Variants in NLRP2 observed in about 807,000 individuals in gnomAD.
The protein encoded by NLRP2 is NLR family pyrin domain containing 2, also known as NACHT, LRR and PYD domains-containing protein 2.
In NLRP2, 107 loss-of-function variants were observed where a neutral mutation model predicts 97.2. That is an observed-to-expected ratio of 1.10 (90% CI 0.94 to 1.29). NLRP2 has a LOEUF of 1.29. Ranked by LOEUF, NLRP2 falls within the 50% of genes most tolerant of loss-of-function variation. The pLI is 0.00. For missense variants in NLRP2, 1,495 were observed against 1,330.3 expected (o/e 1.12, Z -1.93); for synonymous variants, 663 against 551.5 (o/e 1.20, Z -2.83).
chr19:54,986,027 G>A (rs2072050506), intron 7 of NLRP2, 124 bp from the exon 8 acceptor site: 1 of 740,932 alleles, frequency 1.3e-6, no homozygotes, highest in Admixed American at 2.2e-5. Flanking sequence ...CTGTAAAGAT[G>A]GACAAAAATT....
At position 54,991,850 on chromosome 19, in the gene NLRP2, C is replaced by CAAA. The variant is rs111877236; in HGVS notation, c.2708+1191_2708+1193dup. 8.7e-3 allele frequency among the ~76,000 whole-genome samples: 953 copies of CAAA among 110,130 alleles called. 7 individuals are homozygous for CAAA. The highest frequency in any genetic ancestry group is 0.029 in the African/African-American group (865 of 29,728). 72.2% of individuals were successfully genotyped at this position (110,130 alleles called of 152,430 possible). On this transcript the variant is annotated intron_variant, in intron 10 of 12. Coordinates refer to ENST00000448584, the MANE Select transcript of NLRP2 (RefSeq NM_017852.5). ...CCTGGGTGACAGAACGAGATTGTCT[C>CAAA]AAAAAAAAAAAAAAATTGTATCTGC...
chr19:54,992,575 T>TTG (rs2072559701), intron 10 of NLRP2, among the ~76,000 whole-genome samples: 1 of 45,844 alleles, frequency 2.2e-5, no homozygotes. Flanking sequence ...TTTTTTTTGG[T>TTG]TTTTTTTTTT....
intron 2 of NLRP2, among the ~76,000 whole-genome samples, chr19:54,971,233 T>A (rs1199812602): frequency 1.3e-5 from 2 of 151,100 alleles, no homozygotes; most frequent in East Asian, 3.9e-4. Flanking sequence ...GTTGGACATT[T>A]GGGTTGGTTC....
At chr19:54,990,794 T>A in intron 10 of NLRP2, 122 bp downstream of exon 10, 1 of 999,710 alleles carries the variant, frequency 1.0e-6, no homozygotes, top group South Asian at 1.3e-5. Flanking sequence ...ATGATGCTAA[T>A]GACAACTGGT....
At chr19:54,978,845 TAAAAAA>T (rs78482875) in intron 4 of NLRP2, among the ~76,000 whole-genome samples, 3 of 136,294 alleles carry the variant, frequency 2.2e-5, no homozygotes, top group African/African-American at 8.0e-5. Flanking sequence ...GACTCCATCT[TAAAAAA>T]AAAAAAAAAA....
At chr19:54,992,077 G>C (rs986011195) in intron 10 of NLRP2, among the ~76,000 whole-genome samples, 1 of 150,674 alleles carries the variant, frequency 6.6e-6, no homozygotes, top group African/African-American at 2.4e-5. Context: ...CCACCACGCC[G>C]GGCTAATTTT....
chr19:54,995,283 T>A (rs2072747044), intron 11 of NLRP2, among the ~76,000 whole-genome samples: 1 of 142,910 alleles, frequency 7.0e-6, no homozygotes, highest in South Asian at 2.5e-4. Context: ...CTCCACCTCC[T>A]GGGTTCAAGT....
Position 55,000,756 on chromosome 19 carries a change from C to T in NLRP2, c.3051-4C>T. ...TAACCTTTTCTTCCCCCATTGTACCCCAGGTTGAAAATCGATGACTTTAAT... is the reference window on the plus strand; with the variant it reads ...TAACCTTTTCTTCCCCCATTGTACCTCAGGTTGAAAATCGATGACTTTAAT... On this transcript the variant is annotated splice_region_variant and splice_polypyrimidine_tract_variant and intron_variant, in intron 12 of 12. Coordinates refer to ENST00000448584, the MANE Select transcript of NLRP2 (RefSeq NM_017852.5). The T allele has an allele frequency of 1.2e-6, 2 of 1,613,524 alleles. No individual in the cohort carries two copies. Among genetic ancestry groups the T allele is most frequent in the Non-Finnish European group, 1.7e-6 (2 of 1,179,654 alleles).
chr19:54,994,562 T>A (rs2072700512), intron 11 of NLRP2, 123 bp downstream of exon 11: 1 of 1,010,606 alleles, frequency 9.9e-7, no homozygotes, highest in Non-Finnish European at 1.6e-6. Context: ...ATAGAGTCGA[T>A]CGAGCATTTA....
At chr19:54,994,022 G>A (rs949400104) in intron 10 of NLRP2, 1 of 593,026 alleles carries the variant, frequency 1.7e-6, no homozygotes, top group African/African-American at 1.9e-5. Flanking sequence ...AATAAACCAG[G>A]ATATAAACCA....
At chr19:54,988,688 T>C (rs1173864932) in intron 8 of NLRP2, among the ~76,000 whole-genome samples, 1 of 152,086 alleles carries the variant, frequency 6.6e-6, no homozygotes, top group African/African-American at 2.4e-5. Flanking sequence ...CCCAGCTAAT[T>C]CTTGTATTTT....
Position 54,986,005 on chromosome 19 carries a change from G to GAA in NLRP2, c.2202-137_2202-136dup. The GAA allele has an allele frequency of 9.4e-6, 6 of 640,034 alleles. No homozygotes were observed. In the Admixed American group the frequency reaches 1.4e-4, roughly 15 times the overall value. The allele number at this position is 640,034 out of a possible 1,614,324, so 39.6% of individuals were successfully genotyped here. On this transcript the variant is annotated intron_variant, in intron 7 of 12. Coordinates refer to ENST00000448584, the MANE Select transcript of NLRP2 (RefSeq NM_017852.5). ...CAACAGAGTGAGACTCCATCTCAAA[G>GAA]AAAAAAAAAATCTGTAAAGATGGAC...
At chr19:54,979,517 TGTTA>T (rs1265124083) in intron 4 of NLRP2, among the ~76,000 whole-genome samples, 1 of 151,712 alleles carries the variant, frequency 6.6e-6, no homozygotes, top group African/African-American at 2.4e-5. Flanking sequence ...TTTTTGCATT[TGTTA>T]GTTTTATTTT....
rs781724918 is a variant in NLRP2, at chr19:54,990,599, C to T, written c.2635C>T (p.Pro879Ser). 6.8e-6 allele frequency: 11 copies of T among 1,614,076 alleles called. No homozygotes were observed. In the Admixed American group the frequency reaches 1.5e-4, roughly 22 times the overall value. The change falls in exon 10 of 13, where the codon CCC becomes TCC. Residue 879 changes from proline to serine, a missense_variant. Pro to Ser is a moderately conservative substitution (Grantham distance 74). Transcript: ENST00000448584. ...ELTHLCLAKN[P>S]IGNTGVKFLC... The stretch of plus-strand genomic sequence containing the variant: ...GACACACCTGTGCTTGGCCAAGAAC[C>T]CCATTGGGAATACAGGGGTGAAGTT...
Position 54,977,759 on chromosome 19 carries a change from A to T in NLRP2, c.333A>T (p.Thr111=), listed in dbSNP as rs374536200. The part of the protein sequence containing the change: ...NKRKPLSLGI[T]RKERPPLDVD... ...GCCGCCCTTTTTCTCCAGGGATAAC[A>T]CGGAAAGAACGACCACCTCTAGACG... The change falls in exon 4 of 13, where the codon ACA becomes ACT. Residue 111 remains threonine (T), a synonymous_variant. Coordinates refer to ENST00000448584, the MANE Select transcript of NLRP2 (RefSeq NM_017852.5). The T allele has an allele frequency of 1.5e-5, 24 of 1,613,798 alleles. No individual in the cohort carries two copies. Among genetic ancestry groups the T allele is most frequent in the East Asian group, 8.9e-5 (4 of 44,866 alleles).
At chr19:54,998,532 GC>G (rs2072967689) in intron 12 of NLRP2, among the ~76,000 whole-genome samples, 2 of 138,172 alleles carry the variant, frequency 1.4e-5, no homozygotes, top group Admixed American at 1.5e-4. Context: ...GTTTTTTTAA[GC>G]TTTAAGTTTG....
chr19:54,973,766 C>G, intron 2 of NLRP2: 1 of 536,938 alleles, frequency 1.9e-6, no homozygotes, highest in South Asian at 1.4e-5. Flanking sequence ...AAGGTCTGGG[C>G]TCTGAAAAAG....
chr19:54,990,663 A>C lies in NLRP2; in HGVS notation c.2699A>C (p.Gln900Pro), dbSNP rs201577263. Residue 900 changes from glutamine to proline, a missense_variant, in exon 10 of 13, where the codon CAG becomes CCG. Coordinates refer to ENST00000448584, the MANE Select transcript of NLRP2 (RefSeq NM_017852.5). Reference sequence around the variant, plus strand: ...TTGAGGTACCCCGAGTGTAAACTGCAGACCTTGGTGTAAGTCCGTGCTGGC... The same window carrying C: ...TTGAGGTACCCCGAGTGTAAACTGCCGACCTTGGTGTAAGTCCGTGCTGGC... The part of the protein sequence containing the change: ...EGLRYPECKL[Q>P]TLVLWNCDIT... 1 of 1,614,160 alleles carries C rather than the reference A, an allele frequency of 6.2e-7. No homozygotes were observed. Among genetic ancestry groups the C allele is most frequent in the South Asian group, 1.1e-5 (1 of 91,082 alleles).
At chr19:54,992,366 T>C (rs191788929) in intron 10 of NLRP2, among the ~76,000 whole-genome samples, 5 of 151,730 alleles carry the variant, frequency 3.3e-5, no homozygotes, top group Non-Finnish European at 1.5e-5. Context: ...CTGGAGACGA[T>C]GAGTAGAAGG....
Sources: gnomAD v4.1 joint callset for allele counts (sites outside exome capture counted in the v4.1 genomes callset) on GRCh38, gnomAD v4.1.1 for gene constraint, MANE v1.5 for transcripts, NCBI Gene and HGNC (gene_info 2026-07-23, HGNC 2026-07-21) for gene names.